UBE3C: variants seen among roughly 807,000 people sequenced by gnomAD.
UBE3C encodes the protein ubiquitin protein ligase E3C.
In UBE3C, 42 loss-of-function variants were observed where a neutral mutation model predicts 129.4. That is an observed-to-expected ratio of 0.32 (90% confidence interval 0.25 to 0.42). The LOEUF (loss-of-function observed/expected upper bound fraction) is 0.42, where lower values mean the gene tolerates loss of function less well. Ranked by LOEUF, UBE3C falls within the 10% of genes least tolerant of loss-of-function variation. UBE3C has a pLI of 1.00. For missense variants in UBE3C, 1,049 were observed against 1,319.1 expected (o/e 0.80, Z 3.17); for synonymous variants, 510 against 492.4 (o/e 1.04, Z -0.47).
chr7:157,205,896 CAG>C (rs1351738567), intron 11 of UBE3C, among the ~76,000 whole-genome samples: 2 of 152,194 alleles, frequency 1.3e-5, no homozygotes, highest in Non-Finnish European at 2.9e-5. Context: ...CATGGAGACT[CAG>C]AAGCTCCAGG....
intron 13 of UBE3C, among the ~76,000 whole-genome samples, chr7:157,208,301 C>A (rs1013291124): frequency 1.3e-5 from 2 of 151,984 alleles, no homozygotes; most frequent in African/African-American, 2.4e-5. Flanking sequence ...GTCTCAAATT[C>A]CTGGCCTCAT....
At chr7:157,171,200 A>G (rs992951992) in intron 4 of UBE3C, among the ~76,000 whole-genome samples, 3 of 152,112 alleles carry the variant, frequency 2.0e-5, no homozygotes, top group Non-Finnish European at 4.4e-5. Context: ...TTCTTGGCTC[A>G]CTGCAACCTT....
chr7:157,194,664 C>T (rs1237929317), intron 10 of UBE3C, among the ~76,000 whole-genome samples: 1 of 152,104 alleles, frequency 6.6e-6, no homozygotes, highest in Non-Finnish European at 1.5e-5. Context: ...GCAGAGAATA[C>T]CTCGATTGCG....
chr7:157,216,753 C>T (rs999222976), intron 13 of UBE3C, 114 bp from the exon 14 acceptor site: 14 of 775,452 alleles, frequency 1.8e-5, no homozygotes, highest in African/African-American at 1.1e-4. Flanking sequence ...GTGTCCGGCT[C>T]GACCTGGGTT....
intron 1 of UBE3C, among the ~76,000 whole-genome samples, chr7:157,154,857 AT>A (rs1053301511): frequency 6.6e-6 from 1 of 152,222 alleles, no homozygotes; most frequent in African/African-American, 2.4e-5. Flanking sequence ...GTAAAATAAT[AT>A]TTATAATTGG....
intron 9 of UBE3C, among the ~76,000 whole-genome samples, chr7:157,184,981 C>G (rs1011710740): frequency 2.0e-5 from 3 of 152,134 alleles, no homozygotes; most frequent in Non-Finnish European, 2.9e-5. Flanking sequence ...GGAACTGTTG[C>G]ATCTGTCCAA....
intron 16 of UBE3C, among the ~76,000 whole-genome samples, chr7:157,224,525 A>G (rs1795821986): frequency 6.6e-6 from 1 of 152,146 alleles, no homozygotes; most frequent in African/African-American, 2.4e-5. Context: ...GAAATGGACA[A>G]ATATCTTAAT....
rs1797152874 is a variant in UBE3C, at chr7:157,268,954, T to C, written c.*1199T>C. The stretch of plus-strand genomic sequence containing the variant: ...ATTTATCTCTTCTATGTCTCGTATT[T>C]TACTGTCACTGGAGGCTCTGTGGGC... On this transcript the variant is annotated 3_prime_UTR_variant, in exon 23 of 23. Coordinates refer to ENST00000348165, the MANE Select transcript of UBE3C (RefSeq NM_014671.3). The C allele has an allele frequency of 6.5e-6, 1 of 152,674 alleles. No homozygotes were observed. Among genetic ancestry groups the C allele is most frequent in the Admixed American group, 6.5e-5 (1 of 15,280 alleles). The allele number at this position is 152,674 out of a possible 1,614,324, so 9.5% of individuals were successfully genotyped here.
At chr7:157,258,530 G>A (rs560449009) in intron 22 of UBE3C, among the ~76,000 whole-genome samples, 127 of 152,292 alleles carry the variant, frequency 8.3e-4, no homozygotes, top group African/African-American at 3.0e-3. Context: ...CGTGATTTCC[G>A]CTCACTGCAA....
intron 10 of UBE3C, chr7:157,189,165 A>G (rs1451166300): frequency 1.3e-5 from 5 of 392,478 alleles, no homozygotes; most frequent in Middle Eastern, 3.5e-4. Context: ...GTGTCTGAAT[A>G]TGCCGAGGAA....
intron 18 of UBE3C, among the ~76,000 whole-genome samples, chr7:157,246,299 A>ACTCC (rs1396750106): frequency 6.6e-6 from 1 of 152,010 alleles, no homozygotes; most frequent in African/African-American, 2.4e-5. Context: ...CAAAGGACTC[A>ACTCC]CTCCCCACAG....
intron 14 of UBE3C, among the ~76,000 whole-genome samples, chr7:157,219,448 G>T (rs1476969496): frequency 1.3e-5 from 2 of 152,074 alleles, no homozygotes; most frequent in African/African-American, 2.4e-5. Flanking sequence ...AAACGTTCTC[G>T]CCAGAAAGTT....
chr7:157,231,653 T>G (rs533195871), intron 18 of UBE3C: 1 of 305,572 alleles, frequency 3.3e-6, no homozygotes, highest in Non-Finnish European at 6.2e-6. Flanking sequence ...TGGTGACTTT[T>G]TACAGGAGGG....
At chr7:157,186,428 A>G (rs1014594704) in intron 9 of UBE3C, among the ~76,000 whole-genome samples, 2 of 151,826 alleles carry the variant, frequency 1.3e-5, no homozygotes, top group African/African-American at 4.8e-5. Context: ...AAAAAAAAAA[A>G]ATTTATGTAA....
chr7:157,199,466 A>G (rs1258208577), intron 10 of UBE3C, among the ~76,000 whole-genome samples: 3 of 151,046 alleles, frequency 2.0e-5, no homozygotes, highest in Non-Finnish European at 3.0e-5. Flanking sequence ...TTTTATTTTT[A>G]TTTTATTTTA....
At position 157,187,005 on chromosome 7, in the gene UBE3C, A is replaced by G; in HGVS notation, c.1315A>G (p.Met439Val). ...CACGCTGATGGTGCAGCACCGCATG[A>G]TGGTACCCAAAGTCAGGCAAGTGTC... is the stretch of plus-strand genomic sequence containing the variant. Reference protein sequence around the residue: ...CHTLMVQHRMMVPKVRLLYSL... With the variant: ...CHTLMVQHRMVVPKVRLLYSL... The change falls in exon 10 of 23, where the codon ATG becomes GTG. Residue 439 changes from methionine (M) to valine (V), a missense_variant. By Grantham distance (21) the Met-to-Val change is conservative. Around this residue, in one of 4 missense-constraint regions of UBE3C, gnomAD observed 314 missense variants for 416.9 expected, o/e 0.75. Coordinates refer to ENST00000348165, the MANE Select transcript of UBE3C (RefSeq NM_014671.3). The G allele has an allele frequency of 6.2e-7, 1 of 1,606,170 alleles. No homozygotes were observed. The highest frequency in any genetic ancestry group is 8.5e-7 in the Non-Finnish European group (1 of 1,176,156).
chr7:157,160,918 C>T (rs1319467022), intron 1 of UBE3C, among the ~76,000 whole-genome samples: 3 of 152,050 alleles, frequency 2.0e-5, no homozygotes, highest in African/African-American at 7.2e-5. Context: ...GCGTATAATC[C>T]TATGGATTAA....
chr7:157,262,685 T>G (rs1207403376), intron 22 of UBE3C, among the ~76,000 whole-genome samples: 1 of 152,102 alleles, frequency 6.6e-6, no homozygotes, highest in African/African-American at 2.4e-5. Flanking sequence ...CCTCCCAAAG[T>G]GCTGGGATTA....
chr7:157,163,388 CAAAAAAA>C (rs367764291), intron 1 of UBE3C, among the ~76,000 whole-genome samples: 3 of 95,226 alleles, frequency 3.2e-5, no homozygotes, highest in African/African-American at 1.1e-4. Context: ...GACTCCATCT[CAAAAAAA>C]AAAAAAAAAA....
Sources: allele counts gnomAD v4.1 joint callset (sites outside exome capture counted in the v4.1 genomes callset), GRCh38; gene constraint gnomAD v4.1.1; regional missense constraint gnomAD v4.1.1; transcripts MANE v1.5; gene names NCBI Gene and HGNC (gene_info 2026-07-23, HGNC 2026-07-21).